PCDHA2: variants seen among roughly 807,000 people sequenced by gnomAD.
The protein encoded by PCDHA2 is protocadherin alpha-2.
PCDHA2 carries 58 observed loss-of-function variants against 66.0 expected under a neutral mutation model. The observed-to-expected ratio is 0.88, with a 90% CI of 0.71 to 1.09. PCDHA2 has a LOEUF of 1.09. PCDHA2 is among the 50% of genes least tolerant of loss of function. PCDHA2 has a pLI of 0.00. For missense variants in PCDHA2, 1,267 were observed against 1,242.3 expected, an observed-to-expected ratio of 1.02 and a Z score of -0.30; for synonymous variants, 634 against 554.0, an observed-to-expected ratio of 1.14 and a Z score of -2.03.
intron 1 of PCDHA2, chr5:140,857,954 C>G: frequency 6.3e-7 from 1 of 1,597,286 alleles, no homozygotes; most frequent in South Asian, 1.1e-5. Flanking sequence ...GACGCGCGCT[C>G]TGGATGAGAC....
chr5:140,958,204 G>T (rs2095413529), intron 1 of PCDHA2, among the ~76,000 whole-genome samples: 2 of 152,042 alleles, frequency 1.3e-5, no homozygotes, highest in South Asian at 2.1e-4. Flanking sequence ...AGTATACAAG[G>T]GAATTAGATT....
At chr5:140,840,556 G>A (rs1378989097) in intron 1 of PCDHA2, among the ~76,000 whole-genome samples, 4 of 152,028 alleles carry the variant, frequency 2.6e-5, no homozygotes, top group Non-Finnish European at 5.9e-5. Flanking sequence ...TGGCAATACT[G>A]CTAGAGTTTG....
chr5:140,957,385 A>G (rs1166781130), intron 1 of PCDHA2, among the ~76,000 whole-genome samples: 1 of 152,192 alleles, frequency 6.6e-6, no homozygotes, highest in Non-Finnish European at 1.5e-5. Flanking sequence ...GTGTATTGTT[A>G]TAATTGTCCT....
At chr5:140,915,368 T>G (rs1281630689) in intron 1 of PCDHA2, among the ~76,000 whole-genome samples, 1 of 152,216 alleles carries the variant, frequency 6.6e-6, no homozygotes, top group Non-Finnish European at 1.5e-5. Flanking sequence ...TACCAGTAAG[T>G]GTCTCGGCAT....
At chr5:140,817,865 A>G (rs1766220471) in intron 1 of PCDHA2, among the ~76,000 whole-genome samples, 1 of 152,208 alleles carries the variant, frequency 6.6e-6, no homozygotes, top group African/African-American at 2.4e-5. Context: ...AGTTTTGGGT[A>G]TTGAATGAAA....
At chr5:140,985,072 A>C (rs2097134751) in intron 3 of PCDHA2, among the ~76,000 whole-genome samples, 1 of 151,864 alleles carries the variant, frequency 6.6e-6, no homozygotes, top group Admixed American at 6.6e-5. Flanking sequence ...TGAGTAGCTG[A>C]GACTACAGGC....
At chr5:140,803,232 T>C in intron 1 of PCDHA2, 1 of 1,613,820 alleles carries the variant, frequency 6.2e-7, no homozygotes, top group African/African-American at 1.3e-5. Context: ...ACCCAAGGCC[T>C]CGTCCCAGGC....
At position 141,010,207 on chromosome 5, in the gene PCDHA2, A is replaced by C; in HGVS notation, c.*270A>C. The C allele has an allele frequency of 6.4e-7, 1 of 1,551,870 alleles. No homozygotes were observed. ...CCAAGTTTCCTTTCTCCTCCGCCGC[A>C]AAGGAGAGGCTTCCCAGCCCCGCCA... On this transcript the variant is annotated 3_prime_UTR_variant, in exon 4 of 4. Transcript: ENST00000526136.
chr5:140,966,413 A>G, intron 1 of PCDHA2: 2 of 419,134 alleles, frequency 4.8e-6, no homozygotes, highest in South Asian at 1.0e-4. Flanking sequence ...GAATCAGAGC[A>G]GGACTTGCTG....
In PCDHA2 at chr5:140,927,196, G is replaced by A. The variant is rs781932405; in HGVS notation, c.2389-51753G>A. On this transcript the variant is annotated intron_variant, in intron 1 of 3. Coordinates refer to ENST00000526136, the MANE Select transcript of PCDHA2 (RefSeq NM_018905.3). ...CGTCTTGACCTACGACCTGGTGCTC[G>A]AGGACCCGCTGGAGCTGCACAAGAT... The A allele has an allele frequency of 5.6e-6, 9 of 1,614,028 alleles. No homozygotes were observed. In the South Asian group the frequency reaches 7.7e-5, roughly 14 times the overall value.
At chr5:140,843,344 G>T in intron 1 of PCDHA2, 1 of 1,596,078 alleles carries the variant, frequency 6.3e-7, no homozygotes, top group Non-Finnish European at 8.6e-7. Flanking sequence ...GAGCGGCCAG[G>T]CTCCAAAAGC....
chr5:140,839,307 C>T (rs1554137377), intron 1 of PCDHA2, among the ~76,000 whole-genome samples: 1 of 151,838 alleles, frequency 6.6e-6, no homozygotes, highest in Non-Finnish European at 1.5e-5. Flanking sequence ...TTTAAATATC[C>T]TATTTATATT....
intron 1 of PCDHA2, chr5:140,864,834 A>T (rs2048619369): frequency 6.6e-6 from 1 of 152,166 alleles, no homozygotes; most frequent in African/African-American, 2.4e-5. Context: ...TTTAAGTATA[A>T]GAGAGTCTTC....
chr5:140,803,678 A>G (rs781820342), intron 1 of PCDHA2: 7 of 1,587,986 alleles, frequency 4.4e-6, no homozygotes, highest in Non-Finnish European at 5.1e-6. Context: ...ATTAATAGTT[A>G]AGTATGAATT....
At chr5:141,006,073 T>G (rs2098254106) in intron 3 of PCDHA2, among the ~76,000 whole-genome samples, 1 of 151,712 alleles carries the variant, frequency 6.6e-6, no homozygotes, top group Non-Finnish European at 1.5e-5. Context: ...AAAAATCAGA[T>G]TATTGAAGGG....
intron 1 of PCDHA2, chr5:140,969,386 C>G (rs782109093): frequency 6.3e-7 from 1 of 1,596,966 alleles, no homozygotes; most frequent in South Asian, 1.1e-5. Flanking sequence ...TACACATCCC[C>G]CAATATCCTG....
chr5:140,862,692 G>C, intron 1 of PCDHA2: 1 of 555,502 alleles, frequency 1.8e-6, no homozygotes, highest in Non-Finnish European at 3.6e-6. Flanking sequence ...TGTCCTACTC[G>C]TTGATGGAAC....
Position 140,794,880 on chromosome 5 carries a change from G to A in PCDHA2, c.-85G>A. The A allele has an allele frequency of 7.2e-7, 1 of 1,391,698 alleles. No homozygotes were observed. The highest frequency in any genetic ancestry group is 9.8e-7 in the Non-Finnish European group (1 of 1,021,128). 86.2% of individuals were successfully genotyped at this position (1,391,698 alleles called of 1,614,324 possible). A position where few individuals can be genotyped will look rare whatever the true frequency, so the allele number is the denominator to read the frequency against. Reference sequence around the variant, plus strand: ...TCAGAGAAGCGGAGGAATAAGAGAAGCAGCAGGACTTTAACAGAGACTAGA... The same window carrying A: ...TCAGAGAAGCGGAGGAATAAGAGAAACAGCAGGACTTTAACAGAGACTAGA... On this transcript the variant is annotated 5_prime_UTR_variant, in exon 1 of 4. Coordinates refer to ENST00000526136, the MANE Select transcript of PCDHA2 (RefSeq NM_018905.3).
At chr5:140,867,604 A>C (rs1420460822) in intron 1 of PCDHA2, 1 of 152,164 alleles carries the variant, frequency 6.6e-6, no homozygotes, top group Non-Finnish European at 1.5e-5. Flanking sequence ...GAGATAAACC[A>C]TCAAAACTAT....
Sources: gnomAD v4.1 joint callset for allele counts (sites outside exome capture counted in the v4.1 genomes callset) on GRCh38, gnomAD v4.1.1 for gene constraint, MANE v1.5 for transcripts, NCBI Gene and HGNC (gene_info 2026-07-23, HGNC 2026-07-21) for gene names.